Variants in CCT3 observed in about 807,000 individuals in gnomAD.
CCT3 encodes chaperonin containing TCP1 subunit 3, also known as T-complex protein 1 subunit gamma.
CCT3 carries 10 observed loss-of-function variants against 65.3 expected under a neutral mutation model. The ratio of observed to expected loss-of-function variants is 0.15; its 90% CI spans 0.09 to 0.26. The LOEUF (loss-of-function observed/expected upper bound fraction) is 0.26, where lower values mean the gene tolerates loss of function less well. Among genes scored for constraint, CCT3 ranks in the 10% least tolerant of loss-of-function variants. The pLI, the probability that CCT3 is intolerant of heterozygous loss-of-function variation, is 1.00. For missense variants in CCT3, 626 were observed against 708.7 expected (o/e 0.88, Z 1.33); for synonymous variants, 225 against 242.3 (o/e 0.93, Z 0.66).
rs1466819599 is a variant in CCT3, at chr1:156,319,059, C to A, written c.610-42G>T. 4 of 1,516,264 alleles carry A rather than the reference C, an allele frequency of 2.6e-6. 1 individual carries two copies. The South Asian group carries it at 4.9e-5, about 18-fold the overall frequency. The allele number at this position is 1,516,264 out of a possible 1,614,324, so 93.9% of individuals were successfully genotyped here. A position where few individuals can be genotyped will look rare whatever the true frequency, so the allele number is the denominator to read the frequency against. On this transcript the variant is annotated intron_variant, in intron 7 of 13. Coordinates refer to ENST00000295688, the MANE Select transcript of CCT3 (RefSeq NM_005998.5). ...TGCACTTTAATCCACAATCAAGAGA[C>A]AATTTCTTAATTTCCTTCCCAGATG...
At chr1:156,312,358 C>T (rs191111281) in intron 10 of CCT3, 137 bp from the exon 11 acceptor site, 11 of 705,800 alleles carry the variant, frequency 1.6e-5, no homozygotes, top group Admixed American at 1.3e-4. Context: ...CTTGCCTGTC[C>T]GGTGAAAAAG....
chr1:156,321,539 A>G (rs1226851212), intron 6 of CCT3, among the ~76,000 whole-genome samples: 3 of 152,140 alleles, frequency 2.0e-5, no homozygotes, highest in Non-Finnish European at 4.4e-5. Context: ...CCATTTTTAT[A>G]TTACTTTCAC....
intron 10 of CCT3, among the ~76,000 whole-genome samples, chr1:156,315,503 C>T (rs576061609): frequency 1.3e-5 from 2 of 152,192 alleles, no homozygotes; most frequent in Non-Finnish European, 2.9e-5. Context: ...GCCACCGTGC[C>T]CTGCCCTTAT....
intron 7 of CCT3, among the ~76,000 whole-genome samples, chr1:156,320,629 C>T (rs1312325051): frequency 6.6e-6 from 1 of 151,934 alleles, no homozygotes; most frequent in Non-Finnish European, 1.5e-5. Flanking sequence ...GCCTGTAGTC[C>T]TAGCAAATCA....
chr1:156,313,164 G>A (rs571709607), intron 10 of CCT3, among the ~76,000 whole-genome samples: 98 of 151,884 alleles, frequency 6.5e-4, no homozygotes, highest in Admixed American at 2.6e-3. Context: ...GTGAAACCCC[G>A]CCTCTACTAA....
At chr1:156,323,990 T>C (rs1180158736) in intron 6 of CCT3, among the ~76,000 whole-genome samples, 2 of 151,994 alleles carry the variant, frequency 1.3e-5, no homozygotes, top group Non-Finnish European at 2.9e-5. Context: ...CTTGAACTCC[T>C]GACCTCAGGT....
At chr1:156,316,681 G>GC (rs2101638326) in intron 10 of CCT3, among the ~76,000 whole-genome samples, 1 of 152,304 alleles carries the variant, frequency 6.6e-6, no homozygotes, top group East Asian at 1.9e-4. Flanking sequence ...AGGTAACACA[G>GC]CAAGACCTTG....
chr1:156,338,099 T>C (rs1665531545), intron 1 of CCT3, 55 bp downstream of exon 1: 5 of 1,556,750 alleles, frequency 3.2e-6, no homozygotes, highest in Non-Finnish European at 4.4e-6. Flanking sequence ...CACTGAAAAG[T>C]ATGGACAGAA....
intron 10 of CCT3, among the ~76,000 whole-genome samples, chr1:156,313,792 C>T (rs1236352148): frequency 6.6e-6 from 1 of 152,126 alleles, no homozygotes; most frequent in African/African-American, 2.4e-5. Flanking sequence ...CATGGTACTT[C>T]ATGTAAAGAA....
At chr1:156,334,404 C>T (rs1257798601) in intron 4 of CCT3, among the ~76,000 whole-genome samples, 2 of 152,082 alleles carry the variant, frequency 1.3e-5, no homozygotes, top group African/African-American at 4.8e-5. Context: ...GTAAGAGACA[C>T]ACAAGGGGAA....
In CCT3 at chr1:156,310,937, G is replaced by A. The variant is rs1158227899; in HGVS notation, c.1401+13C>T. On this transcript the variant is annotated intron_variant, in intron 12 of 13. Coordinates refer to ENST00000295688, the MANE Select transcript of CCT3 (RefSeq NM_005998.5). The stretch of plus-strand genomic sequence containing the variant: ...CCTGCTCCATCAAGAGAAAAGCTTG[G>A]AGAGGAACTCACCCGAAGGGAGGTA... 5 of 1,611,230 alleles carry A rather than the reference G, an allele frequency of 3.1e-6. No individual in the cohort carries two copies. The highest frequency in any genetic ancestry group is 2.2e-5 in the South Asian group (2 of 90,890).
chr1:156,325,803 G>A (rs1204893721), intron 5 of CCT3, among the ~76,000 whole-genome samples: 2 of 151,746 alleles, frequency 1.3e-5, no homozygotes, highest in Non-Finnish European at 2.9e-5. Context: ...GGCTGGTCTC[G>A]AACTCGTGAC....
rs187546979 is a variant in CCT3 at position 156,326,837 on chromosome 1, A to T, written c.305-1748T>A. ...CGAGGCAGGCAAATCGCTTGAGACC[A>T]GGAGTTTTGAGACTAGCCTGGACAA... On this transcript the variant is annotated intron_variant, in intron 5 of 13. Transcript: ENST00000295688. Among the ~76,000 whole-genome samples the T allele has an allele frequency of 5.3e-5, 8 of 152,192 alleles. No homozygotes were observed. The East Asian group carries it at 1.5e-3, about 29-fold the overall frequency.
intron 1 of CCT3, 75 bp downstream of exon 1, chr1:156,338,079 G>T: frequency 6.7e-7 from 1 of 1,503,156 alleles, no homozygotes; most frequent in Non-Finnish European, 9.1e-7. Flanking sequence ...GGGGGACGGA[G>T]CTGGGGCAAC....
At chr1:156,311,789 C>T (rs573688101) in intron 11 of CCT3, among the ~76,000 whole-genome samples, 1 of 152,118 alleles carries the variant, frequency 6.6e-6, no homozygotes, top group African/African-American at 2.4e-5. Context: ...ATCTCTTGCA[C>T]AATAACATGA....
At position 156,317,484 on chromosome 1, in the gene CCT3, T is replaced by C; in HGVS notation, c.823A>G (p.Ile275Val). ...TRILQMEEEY[I>V]QQLCEDIIQL... ...ATAATGTCCTCACAGAGCTGCTGGA[T>C]GTACTCTTCCTCCATCTGGAGAATT... The change falls in exon 9 of 14, where the codon ATC (isoleucine) becomes GTC (valine). Residue 275 changes from isoleucine (I) to valine (V), a missense_variant. Coordinates refer to ENST00000295688, the MANE Select transcript of CCT3 (RefSeq NM_005998.5). 4.3e-6 allele frequency: 7 copies of C among 1,613,960 alleles called. No homozygotes were observed. Among genetic ancestry groups the C allele is most frequent in the Non-Finnish European group, 5.9e-6 (7 of 1,179,846 alleles).
Position 156,312,165 on chromosome 1 carries a change from C to T in CCT3, c.1031G>A (p.Gly344Glu). ...RPEELREDDV[G>E]TGAGLLEIKK... ...GATTTCCAACAGGCCTGCTCCTGTT[C>T]CAACATCATCTTCTCTCAGTTCCTC... Residue 344 changes from glycine (G) to glutamate (E), a missense_variant, in exon 11 of 14, where the codon GGA (glycine) becomes GAA (glutamate). Gly to Glu is a moderately conservative substitution (Grantham distance 98). Coordinates refer to ENST00000295688, the MANE Select transcript of CCT3 (RefSeq NM_005998.5). The T allele has an allele frequency of 1.2e-6, 2 of 1,614,088 alleles. No homozygotes were observed. Among genetic ancestry groups the T allele is most frequent in the East Asian group, 4.5e-5 (2 of 44,864 alleles).
rs1437533246 is a variant in CCT3, at chr1:156,312,172, C to A, written c.1024G>T (p.Asp342Tyr). ...VSRPEELRED[D>Y]VGTGAGLLEI... is the part of the protein sequence containing the mutation. ...AACAGGCCTGCTCCTGTTCCAACATCATCTTCTCTCAGTTCCTCTGGTCGG... is the reference window on the plus strand; with the variant it reads ...AACAGGCCTGCTCCTGTTCCAACATAATCTTCTCTCAGTTCCTCTGGTCGG... Residue 342 changes from aspartate (D) to tyrosine (Y), a missense_variant, in exon 11 of 14, where the codon GAT becomes TAT. Coordinates refer to ENST00000295688, the MANE Select transcript of CCT3 (RefSeq NM_005998.5). 1.2e-6 allele frequency: 2 copies of A among 1,614,020 alleles called. No homozygotes were observed. Among genetic ancestry groups the A allele is most frequent in the Non-Finnish European group, 1.7e-6 (2 of 1,180,022 alleles).
Position 156,324,895 on chromosome 1 carries a change from G to C in CCT3, c.422+77C>G. 3.1e-6 allele frequency: 3 copies of C among 963,334 alleles called. No individual in the cohort carries two copies. In the East Asian group the frequency reaches 7.3e-5, roughly 23 times the overall value. The allele number at this position is 963,334 out of a possible 1,614,324, so 59.7% of individuals were successfully genotyped here. On this transcript the variant is annotated intron_variant, in intron 6 of 13. Coordinates refer to ENST00000295688, the MANE Select transcript of CCT3 (RefSeq NM_005998.5). ...ACCCGCCTAGGCCTCCCAAAGTGCTGGGATGACAGCCATGAGCCACCACGT... is the reference window on the plus strand; with the variant it reads ...ACCCGCCTAGGCCTCCCAAAGTGCTCGGATGACAGCCATGAGCCACCACGT...
Sources: allele counts gnomAD v4.1 joint callset (sites outside exome capture counted in the v4.1 genomes callset), GRCh38; gene constraint gnomAD v4.1.1; transcripts MANE v1.5; gene names NCBI Gene and HGNC (gene_info 2026-07-23, HGNC 2026-07-21).